The following KLF12 variants were observed in gnomAD, a reference collection of about 807,000 sequenced individuals.
The protein encoded by KLF12 is Krueppel-like factor 12.
In KLF12, 9 loss-of-function variants were observed where a neutral mutation model predicts 37.8. The observed-to-expected ratio is 0.24, with a 90% CI of 0.14 to 0.42. The LOEUF (loss-of-function observed/expected upper bound fraction) is 0.42. KLF12 is among the 10% of genes least tolerant of loss of function. The probability of loss-of-function intolerance (pLI) is 1.00; values close to 1 mark genes in which losing one functional copy is unlikely to be tolerated. For missense variants in KLF12, 411 were observed against 516.0 expected, an observed-to-expected ratio of 0.80 and a Z score of 1.97; for synonymous variants, 208 against 202.1, an observed-to-expected ratio of 1.03 and a Z score of -0.25.
the KLF12 span, among the ~76,000 whole-genome samples, chr13:74,255,448 A>AT: frequency 6.6e-6 from 1 of 152,210 alleles, no homozygotes; most frequent in Non-Finnish European, 1.5e-5. Flanking sequence ...ATTAAATGAC[A>AT]TTTTGCCTTT....
chr13:73,823,945 G>A (rs1422851037), intron 4 of KLF12, among the ~76,000 whole-genome samples: 1 of 151,954 alleles, frequency 6.6e-6, no homozygotes, highest in Non-Finnish European at 1.5e-5. Flanking sequence ...CCTGACCTCA[G>A]GTGATCCACC....
the KLF12 span, among the ~76,000 whole-genome samples, chr13:74,205,846 A>G: frequency 9.9e-5 from 15 of 152,242 alleles, no homozygotes; most frequent in South Asian, 3.1e-3. Context: ...TCTCTCCTCC[A>G]GGTTGTAGAG....
chr13:73,815,245 T>C (rs1883152711), intron 4 of KLF12, among the ~76,000 whole-genome samples: 1 of 152,158 alleles, frequency 6.6e-6, no homozygotes, highest in African/African-American at 2.4e-5. Flanking sequence ...AGCAACCAGT[T>C]CCATCACTAT....
the KLF12 span, chr13:74,259,816 C>G: frequency 2.6e-5 from 4 of 152,198 alleles, no homozygotes; most frequent in East Asian, 7.8e-4. Context: ...TAATGCTCAC[C>G]ACACTTGAGG....
At chr13:73,763,245 AC>A (rs1879685477) in intron 6 of KLF12, among the ~76,000 whole-genome samples, 3 of 152,138 alleles carry the variant, frequency 2.0e-5, no homozygotes, top group Admixed American at 2.0e-4. Flanking sequence ...TTAGAGCTTT[AC>A]CCACATTGTA....
chr13:73,844,732 T>C (rs1263835323), intron 4 of KLF12: 1 of 152,164 alleles, frequency 6.6e-6, no homozygotes, highest in Non-Finnish European at 1.5e-5. Flanking sequence ...AAAACAACCA[T>C]ATTTACTAGC....
At chr13:73,852,270 A>C (rs1237887240) in intron 3 of KLF12, among the ~76,000 whole-genome samples, 6 of 152,212 alleles carry the variant, frequency 3.9e-5, no homozygotes, top group Admixed American at 2.0e-4. Flanking sequence ...AATTTATAAA[A>C]CTGACAAAAA....
At chr13:74,237,460 T>A in the KLF12 span, among the ~76,000 whole-genome samples, 9 of 137,946 alleles carry the variant, frequency 6.5e-5, no homozygotes, top group African/African-American at 3.0e-4. Flanking sequence ...TTAAAGTAGT[T>A]TTTGCCAATT....
At chr13:73,739,680 CTTT>C (rs984341570) in intron 6 of KLF12, among the ~76,000 whole-genome samples, 4 of 151,404 alleles carry the variant, frequency 2.6e-5, no homozygotes, top group Non-Finnish European at 5.9e-5. Flanking sequence ...CTAGAGTCTC[CTTT>C]TTTTTTCCTT....
chr13:73,767,268 C>A (rs575690914), intron 5 of KLF12, among the ~76,000 whole-genome samples: 1 of 152,158 alleles, frequency 6.6e-6, no homozygotes, highest in Non-Finnish European at 1.5e-5. Flanking sequence ...CAGGTAGCAA[C>A]GTCAAAACCT....
chr13:73,755,969 T>C (rs1471982973), intron 6 of KLF12, among the ~76,000 whole-genome samples: 1 of 152,162 alleles, frequency 6.6e-6, no homozygotes, highest in Non-Finnish European at 1.5e-5. Flanking sequence ...CCATACTGTA[T>C]ATATACACCA....
chr13:74,265,652 C>A, the KLF12 span, among the ~76,000 whole-genome samples: 3 of 152,168 alleles, frequency 2.0e-5, no homozygotes, highest in Non-Finnish European at 4.4e-5. Context: ...AGAGTCTTGA[C>A]CCAAGCCCAT....
chr13:74,269,374 T>C, the KLF12 span, among the ~76,000 whole-genome samples: 1 of 152,168 alleles, frequency 6.6e-6, no homozygotes, highest in Non-Finnish European at 1.5e-5. Context: ...GAGTTCACAG[T>C]ATGCTCATAT....
chr13:74,014,380 T>C (rs1457258146), intron 1 of KLF12, among the ~76,000 whole-genome samples: 1 of 152,224 alleles, frequency 6.6e-6, no homozygotes, highest in Non-Finnish European at 1.5e-5. Context: ...ATTTAGAATA[T>C]AAAGCACAGT....
chr13:73,894,832 A>C (rs939643687), intron 3 of KLF12, among the ~76,000 whole-genome samples: 1 of 152,154 alleles, frequency 6.6e-6, no homozygotes, highest in African/African-American at 2.4e-5. Context: ...CTTTTAAATA[A>C]GTTCTATTTT....
At chr13:74,191,565 A>G in the KLF12 span, among the ~76,000 whole-genome samples, 2 of 152,180 alleles carry the variant, frequency 1.3e-5, no homozygotes, top group African/African-American at 4.8e-5. Flanking sequence ...CCAGGGTTTC[A>G]GGTCTCTTGT....
chr13:73,941,995 T>C lies in KLF12; in HGVS notation c.123+1986A>G, dbSNP rs114632191. Reference sequence around the variant, plus strand: ...GAACCCACAACTTTTCATGTCCCTCTCTAAGGACAAAAAAAATGCTTTCTA... The same window carrying C: ...GAACCCACAACTTTTCATGTCCCTCCCTAAGGACAAAAAAAATGCTTTCTA... On this transcript the variant is annotated intron_variant, in intron 3 of 7. Coordinates refer to ENST00000377669, the MANE Select transcript of KLF12 (RefSeq NM_007249.5). 6.9e-3 allele frequency among the ~76,000 whole-genome samples: 1,056 copies of C among 152,274 alleles called. 14 individuals are homozygous for C. Among genetic ancestry groups the C allele is most frequent in the African/African-American group, 0.024 (1,016 of 41,560 alleles).
At chr13:74,099,848 G>A (rs1876215584) in intron 1 of KLF12, among the ~76,000 whole-genome samples, 1 of 151,982 alleles carries the variant, frequency 6.6e-6, no homozygotes, top group Non-Finnish European at 1.5e-5. Context: ...AAAAAAAAGT[G>A]TTGATTTAAA....
At chr13:73,774,165 T>C (rs1242615103) in intron 5 of KLF12, among the ~76,000 whole-genome samples, 4 of 152,056 alleles carry the variant, frequency 2.6e-5, no homozygotes, top group East Asian at 1.9e-4. Flanking sequence ...AAAGAGATGA[T>C]GAGAACTCAC....
Sources: allele counts gnomAD v4.1 joint callset (sites outside exome capture counted in the v4.1 genomes callset), GRCh38; gene constraint gnomAD v4.1.1; transcripts MANE v1.5; gene names NCBI Gene and HGNC (gene_info 2026-07-23, HGNC 2026-07-21).